KRT15: variants seen among roughly 807,000 people sequenced by gnomAD.
KRT15 encodes the protein keratin 15.
A neutral mutation model predicts 46.6 loss-of-function variants in KRT15; 45 were observed. The ratio of observed to expected loss-of-function variants is 0.97; its 90% CI spans 0.76 to 1.24. The LOEUF (loss-of-function observed/expected upper bound fraction) is 1.24, where lower values mean the gene tolerates loss of function less well. KRT15 is among the 50% of genes most tolerant of loss of function. KRT15 has a pLI of 0.00. For missense variants in KRT15, 592 were observed against 588.9 expected, an observed-to-expected ratio of 1.01 and a Z score of -0.05; for synonymous variants, 221 against 233.8, an observed-to-expected ratio of 0.95 and a Z score of 0.50.
intron 7 of KRT15, 37 bp downstream of exon 7, chr17:41,514,612 C>G: frequency 6.2e-7 from 1 of 1,604,822 alleles, no homozygotes; most frequent in African/African-American, 1.3e-5. Flanking sequence ...AACATCTCCC[C>G]TCCCCACCCC....
intron 1 of KRT15, 56 bp downstream of exon 1, chr17:41,518,274 G>A (rs1905489767): frequency 6.5e-7 from 1 of 1,545,824 alleles, no homozygotes; most frequent in African/African-American, 1.4e-5. Context: ...TGACATTAGA[G>A]CTGTGTACAG....
chr17:41,518,714 TCCCCCAGAGAGACTC>T lies in KRT15; in HGVS notation c.99_113del (p.Ser34_Gly38del), dbSNP rs1350876008. The T allele has an allele frequency of 1.3e-6, 2 of 1,589,890 alleles. No individual in the cohort carries two copies. Among genetic ancestry groups the T allele is most frequent in the South Asian group, 2.2e-5 (2 of 90,202 alleles). On this transcript the variant is annotated inframe_deletion, in exon 1 of 8. Transcript: ENST00000254043. ...AAGCTGAGATACTTCGGCTTCCACCTCCCCCAGAGAGACTCCCCCCACCAAAGCCACCTCCCCCAG... is the reference window on the plus strand; with the variant it reads ...AAGCTGAGATACTTCGGCTTCCACCTCCCCCACCAAAGCCACCTCCCCCAG...
intron 7 of KRT15, 41 bp downstream of exon 7, chr17:41,514,608 T>C (rs748552973): frequency 3.8e-6 from 6 of 1,599,298 alleles, no homozygotes; most frequent in Non-Finnish European, 5.1e-6. Context: ...CTTCAACATC[T>C]CCCCTCCCCA....
In KRT15 at chr17:41,516,231, TG is replaced by T. The variant is rs765253389; in HGVS notation, c.772del (p.Gln258ArgfsTer14). 1 of 1,613,978 alleles carries T rather than the reference TG, an allele frequency of 6.2e-7. No homozygotes were observed. Among genetic ancestry groups the T allele is most frequent in the Admixed American group, 1.7e-5 (1 of 60,020 alleles). On this transcript the variant is annotated frameshift_variant, in exon 4 of 8. Coordinates refer to ENST00000254043, the MANE Select transcript of KRT15 (RefSeq NM_002275.4). LOFTEE classifies it high-confidence loss of function. The part of the protein sequence containing the change: ...MKEFSSQLAG[Q>X]VNVEMDAAPG... ...TGCTGCGTCCATCTCCACATTGACC[TG>T]GCCGGCCAGCTGGCTGCTGAACTCC...
chr17:41,517,895 A>T (rs1376511883), intron 1 of KRT15, among the ~76,000 whole-genome samples: 2 of 151,546 alleles, frequency 1.3e-5, no homozygotes, highest in African/African-American at 2.4e-5. Context: ...CTTTTTTTTT[A>T]ATTATTTTTA....
Position 41,513,745 on chromosome 17 carries a change from T to C in KRT15, c.*278A>G, listed in dbSNP as rs1905237168. On this transcript the variant is annotated 3_prime_UTR_variant, in exon 8 of 8. Transcript: ENST00000254043. ...AAAAACTGGACATACTGCCAAGAGA[T>C]ATTTGCAAAAGGAAAAGTAATTCTT... 13 of 329,386 alleles carry C rather than the reference T, an allele frequency of 3.9e-5. No individual in the cohort carries two copies. The highest frequency in any genetic ancestry group is 3.6e-4 in the South Asian group (11 of 30,872). 20.4% of individuals were successfully genotyped at this position (329,386 alleles called of 1,614,324 possible).
In KRT15 at chr17:41,515,945, G is replaced by A. The variant is rs1905342326; in HGVS notation, c.966C>T (p.Ile322=). ...TEMIQTSKTE[I]TDLRRTMQEL... The stretch of plus-strand genomic sequence containing the variant: ...CCTGCATCGTGCGTCTCAGGTCTGT[G>A]ATCTCCGTCTTGCTGGTCTGGATCA... Residue 322 remains isoleucine (I), a synonymous_variant, in exon 5 of 8, where the codon ATC becomes ATT. Coordinates refer to ENST00000254043, the MANE Select transcript of KRT15 (RefSeq NM_002275.4). 3 of 1,614,036 alleles carry A rather than the reference G, an allele frequency of 1.9e-6. No homozygotes were observed. The highest frequency in any genetic ancestry group is 2.7e-5 in the African/African-American group (2 of 74,918).
In KRT15 at chr17:41,518,585, A is replaced by G. The variant is rs1340341492; in HGVS notation, c.243T>C (p.Phe81=). The G allele has an allele frequency of 6.4e-7, 1 of 1,553,512 alleles. No individual in the cohort carries two copies. The highest frequency in any genetic ancestry group is 8.7e-7 in the Non-Finnish European group (1 of 1,149,052). ...CAAAACCCCCACCAACGCCCCCTCCAAAGCCTCCACCGAAAACACTACCAG... is the reference window on the plus strand; with the variant it reads ...CAAAACCCCCACCAACGCCCCCTCCGAAGCCTCCACCGAAAACACTACCAG... ...GGAGSVFGGG[F]GGGVGGGFGG... The change falls in exon 1 of 8, where the codon TTT becomes TTC. Residue 81 remains phenylalanine (F), a synonymous_variant. Transcript: ENST00000254043.
intron 1 of KRT15, 126 bp downstream of exon 1, chr17:41,518,204 T>G: frequency 8.7e-7 from 1 of 1,145,538 alleles, no homozygotes; most frequent in Non-Finnish European, 1.2e-6. Context: ...TTTGCTGAGA[T>G]TACATACCAG....
At chr17:41,514,889 C>T (rs765396471) in intron 6 of KRT15, 84 of 504,288 alleles carry the variant, frequency 1.7e-4, no homozygotes, top group South Asian at 5.6e-4. Context: ...TTTTTTGAGA[C>T]GGAATCTCAC....
In KRT15 at chr17:41,514,585, A is replaced by C. The variant is rs1905268229; in HGVS notation, c.1273+64T>G. 2.0e-6 allele frequency: 3 copies of C among 1,488,968 alleles called. No individual in the cohort carries two copies. The South Asian group carries it at 3.4e-5, about 17-fold the overall frequency. The allele number at this position is 1,488,968 out of a possible 1,614,324, so 92.2% of individuals were successfully genotyped here. On this transcript the variant is annotated intron_variant, in intron 7 of 7. Transcript: ENST00000254043. ...CTCTTTCTCCTTCCTCCCTATTCCG[A>C]AGGGGGTGGTGGCTTCAACATCTCC...
intron 6 of KRT15, 169 bp downstream of exon 6, chr17:41,515,303 G>GT: frequency 6.5e-6 from 4 of 611,698 alleles, no homozygotes; most frequent in Non-Finnish European, 1.2e-5. Flanking sequence ...CCTGTCCCAG[G>GT]TAACAGCCAA....
In KRT15 at chr17:41,514,089, A is replaced by G; in HGVS notation, c.1305T>C (p.Asn435=). Residue 435 remains asparagine (N), a synonymous_variant, in exon 8 of 8, where the codon AAT becomes AAC. Transcript: ENST00000254043. ...CTGACTCTTCTACATTGATGTGGAA[A>G]TTGCTGCTGCTACCACCACCTCCTG... ...ASSGGGGSSS[N]FHINVEESVD... The G allele has an allele frequency of 6.2e-7, 1 of 1,614,098 alleles. No individual in the cohort carries two copies.
intron 6 of KRT15, 71 bp downstream of exon 6, chr17:41,515,399 TTC>T: frequency 1.5e-6 from 2 of 1,326,446 alleles, no homozygotes; most frequent in Non-Finnish European, 2.1e-6. Flanking sequence ...CACCCTGCCA[TTC>T]CCTTAGGATG....
At position 41,517,863 on chromosome 17, in the gene KRT15, G is replaced by T. The variant is rs148243021; in HGVS notation, c.498+467C>A. Among the ~76,000 whole-genome samples the T allele has an allele frequency of 2.8e-4, 42 of 152,294 alleles. 1 individual carries two copies. Among genetic ancestry groups the T allele is most frequent in the African/African-American group, 9.6e-4 (40 of 41,560 alleles). ...TTATGCAGAAGCCTGCAGGGTGCAT[G>T]AGGTAGGGAGGGCGAGTTGCTCTTT... On this transcript the variant is annotated intron_variant, in intron 1 of 7. Transcript: ENST00000254043.
intron 2 of KRT15, 36 bp from the exon 3 acceptor site, chr17:41,517,000 G>T (rs1195603848): frequency 1.9e-6 from 3 of 1,614,092 alleles, no homozygotes; most frequent in Non-Finnish European, 1.7e-6. Flanking sequence ...AAGTGGGAGG[G>T]GTCTTGGCTG....
At chr17:41,514,161 C>T in intron 7 of KRT15, 41 bp from the exon 8 acceptor site, 1 of 1,508,868 alleles carries the variant, frequency 6.6e-7, no homozygotes, top group Non-Finnish European at 9.2e-7. Context: ...GGGGAACCTC[C>T]CCGCTCTGCC....
intron 3 of KRT15, 100 bp downstream of exon 3, chr17:41,516,708 T>A: frequency 1.4e-6 from 2 of 1,407,776 alleles, no homozygotes; most frequent in East Asian, 2.3e-5. Context: ...TGGGAGGGCT[T>A]CCTGGAGCCA....
rs1478719795 is a variant in KRT15 at position 41,515,574 on chromosome 17, A to C, written c.1145T>G (p.Met382Arg). ...CTTGTACTCCTGGTTCTGAGCCTCC[A>C]TCTCGCATCGGAGCTCACTCAGCTG... The part of the protein sequence containing the change: ...EAQLSELRCE[M>R]EAQNQEYKML... Residue 382 changes from methionine (M) to arginine (R), a missense_variant, in exon 6 of 8, where the codon ATG becomes AGG. Met to Arg is a moderately conservative substitution (Grantham distance 91, BLOSUM62 -1). Coordinates refer to ENST00000254043, the MANE Select transcript of KRT15 (RefSeq NM_002275.4). 6.2e-7 allele frequency: 1 copy of C among 1,614,070 alleles called. No individual in the cohort carries two copies. Among genetic ancestry groups the C allele is most frequent in the Admixed American group, 1.7e-5 (1 of 60,022 alleles).
Sources: gnomAD v4.1 joint callset for allele counts (sites outside exome capture counted in the v4.1 genomes callset) on GRCh38, gnomAD v4.1.1 for gene constraint, MANE v1.5 for transcripts, NCBI Gene and HGNC (gene_info 2026-07-23, HGNC 2026-07-21) for gene names.